Variants in ACSS3 observed in about 807,000 individuals in gnomAD.
ACSS3 encodes acyl-CoA synthetase short chain family member 3, also known as acyl-CoA synthetase short-chain family member 3, mitochondrial.
ACSS3 carries 64 observed loss-of-function variants against 84.2 expected under a neutral mutation model. The ratio of observed to expected loss-of-function variants is 0.76; its 90% CI spans 0.62 to 0.94. The LOEUF (loss-of-function observed/expected upper bound fraction) is 0.94. Ranked by LOEUF, ACSS3 falls within the 40% of genes least tolerant of loss-of-function variation. ACSS3 has a pLI of 0.00. For synonymous variants in ACSS3, 317 were observed against 310.1 expected (o/e 1.02, Z -0.23); for missense variants, 815 against 867.6 (o/e 0.94, Z 0.76).
At chr12:81,248,188 G>T (rs938198990) in intron 13 of ACSS3, among the ~76,000 whole-genome samples, 1 of 151,992 alleles carries the variant, frequency 6.6e-6, no homozygotes, top group African/African-American at 2.4e-5. Context: ...ATAAGGTCTT[G>T]CAATCCCACT....
intron 5 of ACSS3, among the ~76,000 whole-genome samples, chr12:81,147,866 TACACAC>T (rs149709961): frequency 6.7e-6 from 1 of 149,020 alleles, no homozygotes; most frequent in South Asian, 2.1e-4. Flanking sequence ...GCTGAATTGA[TACACAC>T]ACACACACAC....
intron 2 of ACSS3, among the ~76,000 whole-genome samples, chr12:81,114,450 T>C (rs537867181): frequency 3.3e-5 from 5 of 152,266 alleles, no homozygotes; most frequent in African/African-American, 1.2e-4. Flanking sequence ...TCTGACATTT[T>C]TTCATCTGTC....
At chr12:81,195,402 C>T (rs1271077047) in intron 8 of ACSS3, among the ~76,000 whole-genome samples, 1 of 151,856 alleles carries the variant, frequency 6.6e-6, no homozygotes, top group African/African-American at 2.4e-5. Flanking sequence ...TTACACTAAT[C>T]TTTGTTATAC....
intron 9 of ACSS3, among the ~76,000 whole-genome samples, chr12:81,212,739 C>T (rs1009772621): frequency 1.3e-5 from 2 of 152,036 alleles, no homozygotes; most frequent in Non-Finnish European, 2.9e-5. Context: ...ACTTCAGAGT[C>T]AGAAATTTTA....
Position 81,138,923 on chromosome 12 carries a change from T to C in ACSS3, c.646-208T>C, listed in dbSNP as rs183761841. Among the ~76,000 whole-genome samples the C allele has an allele frequency of 1.1e-3, 160 of 152,262 alleles. 1 individual carries two copies. The highest frequency in any genetic ancestry group is 3.7e-3 in the African/African-American group (154 of 41,540). ...GTCAAAAACATCATTGAGCATGCAG[T>C]TTTGAACAGGTAAGTGAGATTTGTG... On this transcript the variant is annotated intron_variant, in intron 3 of 15. Coordinates refer to ENST00000548058, the MANE Select transcript of ACSS3 (RefSeq NM_024560.4).
At chr12:81,224,592 G>T (rs1018645764) in intron 11 of ACSS3, among the ~76,000 whole-genome samples, 9 of 151,588 alleles carry the variant, frequency 5.9e-5, no homozygotes, top group African/African-American at 2.2e-4. Flanking sequence ...GTGTGTGTGT[G>T]TGTGTGTGTA....
intron 11 of ACSS3, among the ~76,000 whole-genome samples, chr12:81,227,023 A>T (rs1042747733): frequency 1.3e-5 from 2 of 150,280 alleles, no homozygotes; most frequent in African/African-American, 2.4e-5. Flanking sequence ...ATCTATAGAG[A>T]GGGAGAAATA....
At chr12:81,234,214 C>T (rs764399646) in intron 13 of ACSS3, among the ~76,000 whole-genome samples, 5 of 151,248 alleles carry the variant, frequency 3.3e-5, no homozygotes, top group Non-Finnish European at 7.4e-5. Flanking sequence ...CAAGTTGTTG[C>T]ATTTATTAAG....
rs747945335 is a variant in ACSS3, at chr12:81,078,416, C to T, written c.296C>T (p.Ser99Leu). ...ACCAAAACGCTGGAGAACAAACACT[C>T]GCCCTCTACCAGGTGGTGAGTGACT... is the stretch of plus-strand genomic sequence containing the variant. ...PWTKTLENKHSPSTRWFVEGM... is the reference protein window; with the variant it reads ...PWTKTLENKHLPSTRWFVEGM... The change falls in exon 1 of 16, where the codon TCG becomes TTG. Residue 99 changes from serine (S) to leucine (L), a missense_variant. Physicochemically the swap from Ser to Leu is moderately radical, Grantham distance 145 (BLOSUM62 -2). Coordinates refer to ENST00000548058, the MANE Select transcript of ACSS3 (RefSeq NM_024560.4). 3 of 1,612,538 alleles carry T rather than the reference C, an allele frequency of 1.9e-6. No individual in the cohort carries two copies. The highest frequency in any genetic ancestry group is 2.5e-6 in the Non-Finnish European group (3 of 1,180,010).
intron 7 of ACSS3, among the ~76,000 whole-genome samples, chr12:81,170,029 T>C (rs1179588434): frequency 6.6e-6 from 1 of 152,110 alleles, no homozygotes; most frequent in Non-Finnish European, 1.5e-5. Context: ...TGCAGTTGAC[T>C]CAAAAAGTTT....
At chr12:81,115,326 T>C (rs1282699400) in intron 2 of ACSS3, among the ~76,000 whole-genome samples, 1 of 152,196 alleles carries the variant, frequency 6.6e-6, no homozygotes, top group Non-Finnish European at 1.5e-5. Flanking sequence ...GAAAACAGTG[T>C]CGACAATTCC....
chr12:81,253,135 C>T (rs1221569391), intron 13 of ACSS3, among the ~76,000 whole-genome samples, 172 bp from the exon 14 acceptor site: 2 of 152,126 alleles, frequency 1.3e-5, no homozygotes, highest in Non-Finnish European at 2.9e-5. Flanking sequence ...ATGTAAATTA[C>T]TTATGAATTT....
rs1291586478 is a variant in ACSS3 at position 81,233,275 on chromosome 12, G to A, written c.1597-74G>A. The A allele has an allele frequency of 9.2e-6, 14 of 1,514,050 alleles. No homozygotes were observed. The Admixed American group carries it at 2.6e-4, about 28-fold the overall frequency. The allele number at this position is 1,514,050 out of a possible 1,614,324, so 93.8% of individuals were successfully genotyped here. A position where few individuals can be genotyped will look rare whatever the true frequency, so the allele number is the denominator to read the frequency against. On this transcript the variant is annotated intron_variant, in intron 12 of 15. Coordinates refer to ENST00000548058, the MANE Select transcript of ACSS3 (RefSeq NM_024560.4). Reference sequence around the variant, plus strand: ...TAAATCCATTTCTATTACATTGTGTGTTTTACCAAGTTTAAAATGATTACA... The same window carrying A: ...TAAATCCATTTCTATTACATTGTGTATTTTACCAAGTTTAAAATGATTACA...
intron 7 of ACSS3, among the ~76,000 whole-genome samples, chr12:81,156,007 C>G (rs144476322): frequency 6.6e-6 from 1 of 151,982 alleles, no homozygotes; most frequent in African/African-American, 2.4e-5. Context: ...ACCTGGGCCA[C>G]GAAACAAACT....
intron 8 of ACSS3, among the ~76,000 whole-genome samples, chr12:81,195,610 T>C (rs776000882): frequency 6.6e-6 from 1 of 151,986 alleles, no homozygotes; most frequent in African/African-American, 2.4e-5. Context: ...TTTTTCCTAG[T>C]CTCTGTCTCT....
chr12:81,137,365 C>A (rs1319446592), intron 3 of ACSS3, among the ~76,000 whole-genome samples: 3 of 137,672 alleles, frequency 2.2e-5, no homozygotes, highest in South Asian at 2.3e-4. Flanking sequence ...ACACACACAC[C>A]CCTAATACTC....
At chr12:81,145,750 CATG>C (rs143564380) in intron 5 of ACSS3, among the ~76,000 whole-genome samples, 26 of 152,280 alleles carry the variant, frequency 1.7e-4, no homozygotes, top group African/African-American at 6.3e-4. Context: ...ACATACTCAT[CATG>C]ATGTGTCTTC....
At chr12:81,127,929 G>A (rs1464947932) in intron 2 of ACSS3, among the ~76,000 whole-genome samples, 1 of 152,072 alleles carries the variant, frequency 6.6e-6, no homozygotes. Context: ...TGGTCACAAA[G>A]TTATACTACC....
chr12:81,155,413 A>C (rs1362689321), intron 7 of ACSS3, among the ~76,000 whole-genome samples: 1 of 152,126 alleles, frequency 6.6e-6, no homozygotes, highest in African/African-American at 2.4e-5. Flanking sequence ...GTACTAACCT[A>C]TTGTTAGACA....
Sources: allele counts gnomAD v4.1 joint callset (sites outside exome capture counted in the v4.1 genomes callset), GRCh38; gene constraint gnomAD v4.1.1; transcripts MANE v1.5; gene names NCBI Gene and HGNC (gene_info 2026-07-23, HGNC 2026-07-21).